Variants in ABI3BP observed in about 807,000 individuals in gnomAD.
ABI3BP encodes the protein target of Nesh-SH3.
A neutral mutation model predicts 268.6 loss-of-function variants in ABI3BP; 216 were observed. The observed-to-expected ratio is 0.80, with a 90% CI of 0.72 to 0.90. The LOEUF (loss-of-function observed/expected upper bound fraction) is 0.90, where lower values mean the gene tolerates loss of function less well. Ranked by LOEUF, ABI3BP falls within the 40% of genes least tolerant of loss-of-function variation. The probability of loss-of-function intolerance (pLI) is 0.00; values close to 1 mark genes in which losing one functional copy is unlikely to be tolerated. For missense variants in ABI3BP, 2,090 were observed against 2,182.4 expected, an observed-to-expected ratio of 0.96 and a Z score of 0.84; for synonymous variants, 730 against 730.0, an observed-to-expected ratio of 1.00 and a Z score of 0.00.
At chr3:100,906,022 A>G (rs1429062728) in intron 2 of ABI3BP, among the ~76,000 whole-genome samples, 1 of 152,164 alleles carries the variant, frequency 6.6e-6, no homozygotes. Flanking sequence ...TCAAGTCTAC[A>G]AAATACTCTT....
intron 57 of ABI3BP, among the ~76,000 whole-genome samples, chr3:100,783,447 G>A (rs573437514): frequency 3.3e-5 from 5 of 152,154 alleles, no homozygotes; most frequent in Non-Finnish European, 5.9e-5. Flanking sequence ...AGTACATAAT[G>A]GGCTTTCAAT....
At chr3:100,989,057 T>G (rs1243353356) in intron 1 of ABI3BP, among the ~76,000 whole-genome samples, 1 of 152,174 alleles carries the variant, frequency 6.6e-6, no homozygotes, top group Non-Finnish European at 1.5e-5. Flanking sequence ...AAGAGGTGAT[T>G]AGGCCATGAG....
chr3:100,768,222 G>A (rs2096387375), intron 62 of ABI3BP, among the ~76,000 whole-genome samples: 1 of 151,552 alleles, frequency 6.6e-6, no homozygotes, highest in Non-Finnish European at 1.5e-5. Flanking sequence ...CGGAGTAGCT[G>A]GGGCTACAGG....
At chr3:100,752,980 C>G in intron 65 of ABI3BP, 32 bp from the exon 66 acceptor site, 2 of 1,584,438 alleles carry the variant, frequency 1.3e-6, no homozygotes, top group Non-Finnish European at 1.7e-6. Flanking sequence ...AGTTTAGTAT[C>G]TGACTCTTGG....
chr3:100,886,493 G>T (rs72928352), intron 4 of ABI3BP, among the ~76,000 whole-genome samples, 170 bp from the exon 5 acceptor site: 309 of 152,030 alleles, frequency 2.0e-3, no homozygotes, highest in African/African-American at 7.0e-3. Flanking sequence ...TAAGCTCAAC[G>T]TGTGCTTAGG....
rs189509223 is a variant in ABI3BP, at chr3:100,981,958, C to T, written c.79+11348G>A. On this transcript the variant is annotated intron_variant, in intron 1 of 67. Coordinates refer to ENST00000471714, the MANE Select transcript of ABI3BP (RefSeq NM_001375547.2). ...ATTTTCACACTACTATAAAGAAATA[C>T]CCAAGATTGGGTAGTTTATAAAGGA... Among the ~76,000 whole-genome samples, 266 of 152,224 alleles carry T rather than the reference C, an allele frequency of 1.7e-3. 1 individual carries two copies. Among genetic ancestry groups the T allele is most frequent in the African/African-American group, 6.0e-3 (250 of 41,538 alleles).
intron 1 of ABI3BP, among the ~76,000 whole-genome samples, chr3:100,985,211 G>A (rs1361832123): frequency 5.2e-5 from 7 of 135,010 alleles, no homozygotes; most frequent in African/African-American, 1.1e-4. Flanking sequence ...GTGCAGTGCT[G>A]CGATCTCAGC....
chr3:100,777,738 T>A (rs929555010), intron 59 of ABI3BP, among the ~76,000 whole-genome samples: 1 of 152,158 alleles, frequency 6.6e-6, no homozygotes, highest in Non-Finnish European at 1.5e-5. Context: ...TGCCCAGGCA[T>A]GGAGGTAAGA....
intron 63 of ABI3BP, among the ~76,000 whole-genome samples, chr3:100,763,878 C>G (rs1235303886): frequency 6.6e-6 from 1 of 152,128 alleles, no homozygotes; most frequent in African/African-American, 2.4e-5. Context: ...TAAACAGGCT[C>G]AAATACTAAA....
chr3:100,862,559 A>G, intron 13 of ABI3BP, 174 bp from the exon 14 acceptor site: 1 of 593,118 alleles, frequency 1.7e-6, no homozygotes, highest in Non-Finnish European at 3.0e-6. Context: ...TCCAGAGAAC[A>G]TTTGATTAGT....
chr3:100,884,027 C>T (rs2153387395), intron 6 of ABI3BP, among the ~76,000 whole-genome samples: 1 of 152,076 alleles, frequency 6.6e-6, no homozygotes, highest in South Asian at 2.1e-4. Flanking sequence ...CAAGTGAAAA[C>T]AGCAAGATAG....
At chr3:100,765,680 A>G (rs1301813317) in intron 63 of ABI3BP, among the ~76,000 whole-genome samples, 161 bp downstream of exon 63, 1 of 152,202 alleles carries the variant, frequency 6.6e-6, no homozygotes, top group African/African-American at 2.4e-5. Flanking sequence ...TTTGCAAAAC[A>G]TGACTCCAGA....
At chr3:100,764,177 C>T (rs932635616) in intron 63 of ABI3BP, among the ~76,000 whole-genome samples, 14 of 152,246 alleles carry the variant, frequency 9.2e-5, no homozygotes, top group Admixed American at 9.2e-4. Flanking sequence ...TGACTAGCTC[C>T]TTCCCACTCA....
At chr3:100,885,065 A>G (rs2041285243) in intron 6 of ABI3BP, among the ~76,000 whole-genome samples, 2 of 152,096 alleles carry the variant, frequency 1.3e-5, no homozygotes, top group African/African-American at 2.4e-5. Flanking sequence ...TAAAACGCAA[A>G]CATTGTCTGA....
At chr3:100,894,914 G>C (rs35042713) in intron 4 of ABI3BP, among the ~76,000 whole-genome samples, 17,119 of 100,630 alleles carry the variant, frequency 0.17, 1,250 homozygotes, top group Non-Finnish European at 0.2. Context: ...ACTCCAGCCT[G>C]GGCGACAGAG....
intron 1 of ABI3BP, among the ~76,000 whole-genome samples, chr3:100,952,211 T>C (rs1379804285): frequency 6.6e-6 from 1 of 152,192 alleles, no homozygotes; most frequent in Non-Finnish European, 1.5e-5. Flanking sequence ...CAATACATAC[T>C]GTACAACATA....
chr3:100,962,684 C>T (rs1212833999), intron 1 of ABI3BP, among the ~76,000 whole-genome samples: 1 of 152,176 alleles, frequency 6.6e-6, no homozygotes, highest in Non-Finnish European at 1.5e-5. Context: ...TGATCACACC[C>T]TCCTTCTTCA....
intron 1 of ABI3BP, among the ~76,000 whole-genome samples, chr3:100,991,804 G>A (rs1380709103): frequency 1.3e-5 from 2 of 151,546 alleles, no homozygotes; most frequent in East Asian, 3.9e-4. Flanking sequence ...TATAAATAAA[G>A]AAAAATTGTG....
chr3:100,925,161 A>G (rs2061441920), intron 2 of ABI3BP, among the ~76,000 whole-genome samples: 1 of 152,162 alleles, frequency 6.6e-6, no homozygotes, highest in Non-Finnish European at 1.5e-5. Context: ...CTGTTGCCAG[A>G]TTTTGAAGTC....
Sources: gnomAD v4.1 joint callset for allele counts (sites outside exome capture counted in the v4.1 genomes callset) on GRCh38, gnomAD v4.1.1 for gene constraint, MANE v1.5 for transcripts, NCBI Gene and HGNC (gene_info 2026-07-23, HGNC 2026-07-21) for gene names.